The following ZNF385B variants were observed in gnomAD, a reference collection of about 807,000 sequenced individuals.
ZNF385B encodes the protein zinc finger protein 385B.
ZNF385B carries 23 observed loss-of-function variants against 39.2 expected under a neutral mutation model. The ratio of observed to expected loss-of-function variants is 0.59; its 90% CI spans 0.42 to 0.83. The LOEUF (loss-of-function observed/expected upper bound fraction) is 0.83, where lower values mean the gene tolerates loss of function less well. ZNF385B is among the 40% of genes least tolerant of loss of function. The pLI, the probability that ZNF385B is intolerant of heterozygous loss-of-function variation, is 0.00. For missense variants in ZNF385B, 552 were observed against 598.9 expected (o/e 0.92, Z 0.82); for synonymous variants, 205 against 222.6 (o/e 0.92, Z 0.70).
At chr2:179,724,661 A>G (rs1339769701) in intron 3 of ZNF385B, among the ~76,000 whole-genome samples, 1 of 152,208 alleles carries the variant, frequency 6.6e-6, no homozygotes, top group East Asian at 1.9e-4. Context: ...ATTCTAACAT[A>G]ATTTTAGTTT....
At chr2:179,550,786 C>A (rs781641902) in intron 3 of ZNF385B, among the ~76,000 whole-genome samples, 3 of 148,986 alleles carry the variant, frequency 2.0e-5, no homozygotes, top group Non-Finnish European at 4.4e-5. Context: ...CTTCATATTT[C>A]AGATTTTGCT....
At chr2:179,584,229 T>C (rs1686845908) in intron 3 of ZNF385B, among the ~76,000 whole-genome samples, 1 of 152,044 alleles carries the variant, frequency 6.6e-6, no homozygotes, top group Admixed American at 6.6e-5. Flanking sequence ...ACCTACTAGA[T>C]GCCACTAGCA....
chr2:179,814,481 T>C, intron 1 of ZNF385B: 2 of 563,170 alleles, frequency 3.6e-6, no homozygotes, highest in Non-Finnish European at 6.5e-6. Flanking sequence ...AGTTATATGA[T>C]CCATGCACTA....
intron 1 of ZNF385B, among the ~76,000 whole-genome samples, chr2:179,831,614 A>C (rs1219784184): frequency 6.6e-6 from 1 of 152,140 alleles, no homozygotes; most frequent in Non-Finnish European, 1.5e-5. Flanking sequence ...ATAATCTCTA[A>C]TTTTCCAGAA....
chr2:179,494,088 G>A (rs2055887909), intron 5 of ZNF385B, among the ~76,000 whole-genome samples: 2 of 151,940 alleles, frequency 1.3e-5, no homozygotes, highest in African/African-American at 4.8e-5. Context: ...CAAGTAAGGG[G>A]TAGACTATGG....
intron 3 of ZNF385B, among the ~76,000 whole-genome samples, chr2:179,607,289 G>A (rs144557373): frequency 5.9e-5 from 9 of 152,214 alleles, no homozygotes; most frequent in Admixed American, 5.9e-4. Context: ...TGTTAGGGGA[G>A]GGACCTGGTG....
chr2:179,523,254 G>A (rs2058634132), intron 4 of ZNF385B, among the ~76,000 whole-genome samples: 1 of 151,116 alleles, frequency 6.6e-6, no homozygotes, highest in African/African-American at 2.4e-5. Context: ...AATGAAGCTG[G>A]CCTTATATCA....
At chr2:179,798,143 T>A (rs1575510427) in intron 1 of ZNF385B, among the ~76,000 whole-genome samples, 1 of 152,102 alleles carries the variant, frequency 6.6e-6, no homozygotes, top group African/African-American at 2.4e-5. Flanking sequence ...GATCTATTAC[T>A]GATATTATTT....
intron 1 of ZNF385B, among the ~76,000 whole-genome samples, chr2:179,847,959 A>G (rs911918659): frequency 6.6e-6 from 1 of 152,206 alleles, no homozygotes; most frequent in African/African-American, 2.4e-5. Context: ...ATGATCATGC[A>G]CAGCTTGGAC....
chr2:179,807,882 G>A (rs1485999640), intron 1 of ZNF385B, among the ~76,000 whole-genome samples: 3 of 143,188 alleles, frequency 2.1e-5, no homozygotes, highest in South Asian at 2.5e-4. Context: ...GCGACAGAGC[G>A]AGACTCCGTC....
intron 3 of ZNF385B, among the ~76,000 whole-genome samples, chr2:179,688,830 T>C (rs987374837): frequency 6.6e-6 from 1 of 152,194 alleles, no homozygotes; most frequent in Non-Finnish European, 1.5e-5. Context: ...CCCCTACCAA[T>C]TGCCCTAGAC....
At chr2:179,829,494 A>T (rs1707856001) in intron 1 of ZNF385B, among the ~76,000 whole-genome samples, 1 of 152,124 alleles carries the variant, frequency 6.6e-6, no homozygotes, top group Non-Finnish European at 1.5e-5. Context: ...AATCTAGGTA[A>T]CCTTGGGTTT....
intron 5 of ZNF385B, among the ~76,000 whole-genome samples, chr2:179,490,740 A>T (rs1438756838): frequency 6.6e-6 from 1 of 152,180 alleles, no homozygotes. Context: ...TGGAAGGCAG[A>T]TTATTAATTT....
intron 3 of ZNF385B, among the ~76,000 whole-genome samples, chr2:179,641,946 G>T (rs542979576): frequency 2.0e-5 from 3 of 152,132 alleles, no homozygotes; most frequent in Non-Finnish European, 4.4e-5. Flanking sequence ...TGGGAACAAC[G>T]TGTGGCTCCC....
chr2:179,756,436 T>G (rs962023777), intron 3 of ZNF385B, among the ~76,000 whole-genome samples: 4 of 152,174 alleles, frequency 2.6e-5, no homozygotes, highest in Non-Finnish European at 5.9e-5. Flanking sequence ...TCAACTTTGG[T>G]GAATGTGACA....
intron 6 of ZNF385B, among the ~76,000 whole-genome samples, chr2:179,453,477 T>C (rs977855494): frequency 6.6e-6 from 1 of 152,138 alleles, no homozygotes; most frequent in African/African-American, 2.4e-5. Context: ...ATTTCTGGTC[T>C]GGTTGGGAGC....
Position 179,686,964 on chromosome 2 carries a change from GT to G in ZNF385B, c.298+82538del, listed in dbSNP as rs5836693. 1.6e-3 allele frequency among the ~76,000 whole-genome samples: 229 copies of G among 142,106 alleles called. 4 individuals carry two copies. The highest frequency in any genetic ancestry group is 0.011 in the East Asian group (52 of 4,864). 93.2% of individuals were successfully genotyped at this position (142,106 alleles called of 152,430 possible). A position where few individuals can be genotyped will look rare whatever the true frequency, so the allele number is the denominator to read the frequency against. On this transcript the variant is annotated intron_variant, in intron 3 of 9. Transcript: ENST00000410066. The stretch of plus-strand genomic sequence containing the variant: ...GACTAGCCTAGCCAAAATTTGTACT[GT>G]TTTTTTTTTTTTCAAAATATCTTCA...
At chr2:179,789,382 A>T (rs1434527468) in intron 1 of ZNF385B, among the ~76,000 whole-genome samples, 6 of 152,194 alleles carry the variant, frequency 3.9e-5, no homozygotes, top group Admixed American at 3.9e-4. Context: ...ACAAATCTTA[A>T]TATCCTCGGG....
At chr2:179,516,338 G>T (rs1340397422) in intron 5 of ZNF385B, among the ~76,000 whole-genome samples, 5 of 152,012 alleles carry the variant, frequency 3.3e-5, no homozygotes, top group Non-Finnish European at 7.4e-5. Context: ...ACTTTATAAA[G>T]TTTCTTATTA....
Sources: allele counts gnomAD v4.1 joint callset (sites outside exome capture counted in the v4.1 genomes callset), GRCh38; gene constraint gnomAD v4.1.1; transcripts MANE v1.5; gene names NCBI Gene and HGNC (gene_info 2026-07-23, HGNC 2026-07-21).